ARHGAP29: variants seen among roughly 807,000 people sequenced by gnomAD.
The protein encoded by ARHGAP29 is Rho GTPase activating protein 29, also known as rho GTPase-activating protein 29.
A neutral mutation model predicts 122.6 loss-of-function variants in ARHGAP29; 43 were observed. That is an observed-to-expected ratio of 0.35 (90% CI 0.27 to 0.45). ARHGAP29 has a LOEUF of 0.45. Ranked by LOEUF, ARHGAP29 falls within the 20% of genes least tolerant of loss-of-function variation. The probability of loss-of-function intolerance (pLI) is 1.00; values close to 1 mark genes in which losing one functional copy is unlikely to be tolerated. For synonymous variants in ARHGAP29, 506 were observed against 497.1 expected, an observed-to-expected ratio of 1.02 and a Z score of -0.24; for missense variants, 1,303 against 1,477.2, an observed-to-expected ratio of 0.88 and a Z score of 1.93.
intron 12 of ARHGAP29, chr1:94,194,772 C>A (rs1650344486): frequency 6.6e-6 from 1 of 152,120 alleles, no homozygotes; most frequent in African/African-American, 2.4e-5. Context: ...CAGATAAATA[C>A]CAAAGATTCA....
chr1:94,187,824 C>T (rs1208173907), intron 15 of ARHGAP29, among the ~76,000 whole-genome samples: 1 of 152,122 alleles, frequency 6.6e-6, no homozygotes. Context: ...CAATATTAGG[C>T]TCACATTTCC....
chr1:94,273,012 G>C (rs1373362052), intron 1 of ARHGAP29, among the ~76,000 whole-genome samples: 1 of 152,130 alleles, frequency 6.6e-6, no homozygotes, highest in Non-Finnish European at 1.5e-5. Flanking sequence ...GTAACTTTTG[G>C]AGAATAGATT....
intron 16 of ARHGAP29, among the ~76,000 whole-genome samples, chr1:94,185,819 T>C (rs758014758): frequency 2.6e-5 from 4 of 152,142 alleles, no homozygotes; most frequent in Admixed American, 6.5e-5. Flanking sequence ...TAGGTGGCAT[T>C]AGAAAAAGCC....
At chr1:94,202,212 G>C (rs2101504729) in intron 11 of ARHGAP29, 2 of 500,440 alleles carry the variant, frequency 4.0e-6, no homozygotes, top group African/African-American at 3.9e-5. Context: ...GCCTGAATTA[G>C]TACACATACA....
At chr1:94,205,319 A>AGGCCGGGCGCG in intron 6 of ARHGAP29, 121 bp from the exon 7 acceptor site, 1 of 810,454 alleles carries the variant, frequency 1.2e-6, no homozygotes, top group East Asian at 3.1e-5. Flanking sequence ...AAAAAATACA[A>AGGCCGGGCGCG]GTGACAAATT....
chr1:94,227,739 A>G (rs1033702351), intron 2 of ARHGAP29, among the ~76,000 whole-genome samples: 3 of 151,790 alleles, frequency 2.0e-5, no homozygotes, highest in African/African-American at 7.2e-5. Context: ...AGCACTTATG[A>G]ATCTGTTATT....
chr1:94,203,014 A>G lies in ARHGAP29; in HGVS notation c.874-16T>C. On this transcript the variant is annotated splice_polypyrimidine_tract_variant and intron_variant, in intron 9 of 22. Transcript: ENST00000260526. ...CAAGTAGAGGCTGTGAAAGGTATTT[A>G]AAATGGAAAAAGAGAAAAGCAATTT... is the stretch of plus-strand genomic sequence containing the variant. 1 of 1,602,180 alleles carries G rather than the reference A, an allele frequency of 6.2e-7. No homozygotes were observed. The highest frequency in any genetic ancestry group is 8.5e-7 in the Non-Finnish European group (1 of 1,176,622).
chr1:94,212,436 G>T (rs774526401), intron 3 of ARHGAP29, among the ~76,000 whole-genome samples: 1 of 151,980 alleles, frequency 6.6e-6, no homozygotes, highest in African/African-American at 2.4e-5. Flanking sequence ...CAATAAAGCT[G>T]TTTATAAAAA....
chr1:94,233,242 C>A (rs1299744579), intron 1 of ARHGAP29, among the ~76,000 whole-genome samples: 2 of 152,206 alleles, frequency 1.3e-5, no homozygotes, highest in African/African-American at 4.8e-5. Context: ...CATGAGCCAC[C>A]ATGCCTGGCC....
chr1:94,184,594 T>G (rs1202607933), intron 18 of ARHGAP29, among the ~76,000 whole-genome samples: 2 of 151,762 alleles, frequency 1.3e-5, no homozygotes, highest in African/African-American at 2.4e-5. Context: ...AAAAAATTTT[T>G]TTTTTTTTAA....
chr1:94,185,463 G>A lies in ARHGAP29; in HGVS notation c.1799C>T (p.Thr600Ile), dbSNP rs780827479. The change falls in exon 17 of 23, where the codon ACA becomes ATA. Residue 600 changes from threonine to isoleucine, a missense_variant. This residue lies in a region of ARHGAP29 where 91 missense variants were observed against 177.8 expected (regional missense o/e 0.51). Coordinates refer to ENST00000260526, the MANE Select transcript of ARHGAP29 (RefSeq NM_004815.4). ...PSETGPNSLG[T>I]FKKTLMSKAA... ...CTTTGACATCAATGTTTTCTTAAATGTTCCAAGGGAATTGGGTCCTTGCAA... is the reference window on the plus strand; with the variant it reads ...CTTTGACATCAATGTTTTCTTAAATATTCCAAGGGAATTGGGTCCTTGCAA... 5.0e-6 allele frequency: 8 copies of A among 1,607,442 alleles called. No homozygotes were observed. In the South Asian group the frequency reaches 9.0e-5, roughly 18 times the overall value.
rs138436297 is a variant in ARHGAP29 at position 94,254,732 on chromosome 1, A to G, written c.-33+20280T>C. 1.3e-3 allele frequency among the ~76,000 whole-genome samples: 191 copies of G among 152,320 alleles called. 1 individual carries two copies. The highest frequency in any genetic ancestry group is 2.4e-3 in the Non-Finnish European group (164 of 68,020). On this transcript the variant is annotated intron_variant and NMD_transcript_variant, in intron 1 of 25. Transcript: ENST00000552844. ...TTGGAGTTGCTTTGTGAGTCAGAAAATAGAAGCATAGGATGTGGGTCAAGG... is the reference window on the plus strand; with the variant it reads ...TTGGAGTTGCTTTGTGAGTCAGAAAGTAGAAGCATAGGATGTGGGTCAAGG...
At chr1:94,240,263 G>A (rs1421941741), upstream of ARHGAP29, among the ~76,000 whole-genome samples, 1 of 152,048 alleles carries the variant, frequency 6.6e-6, no homozygotes, top group Non-Finnish European at 1.5e-5. Flanking sequence ...GTTGTCTAAG[G>A]GAAATTTTGA....
At chr1:94,204,071 T>G in intron 7 of ARHGAP29, 77 bp from the exon 8 acceptor site, 1 of 1,122,094 alleles carries the variant, frequency 8.9e-7, no homozygotes, top group Non-Finnish European at 1.3e-6. Flanking sequence ...TTACTTGTAG[T>G]AATTCCACAA....
chr1:94,295,339 T>G, the ARHGAP29 span, among the ~76,000 whole-genome samples: 1 of 152,122 alleles, frequency 6.6e-6, no homozygotes, highest in Admixed American at 6.5e-5. Flanking sequence ...AGGGCTTTGT[T>G]TTTAGGCTGC....
chr1:94,185,308 TA>T, intron 17 of ARHGAP29, 33 bp downstream of exon 17: 2 of 1,534,472 alleles, frequency 1.3e-6, no homozygotes, highest in Non-Finnish European at 8.7e-7. Flanking sequence ...ACAAAAAGCA[TA>T]AAAGGGTCAA....
Position 94,203,923 on chromosome 1 carries a change from C to T in ARHGAP29, c.762+7G>A. On this transcript the variant is annotated splice_region_variant and intron_variant, in intron 8 of 22. Transcript: ENST00000260526. The stretch of plus-strand genomic sequence containing the variant: ...TATAGAACCCCCGAAGTTCACAGAA[C>T]ACTTACCTGAATTCCAATGTTAGTT... 1.2e-6 allele frequency: 2 copies of T among 1,613,296 alleles called. No individual in the cohort carries two copies. The highest frequency in any genetic ancestry group is 2.2e-5 in the East Asian group (1 of 44,848).
intron 12 of ARHGAP29, among the ~76,000 whole-genome samples, chr1:94,201,216 T>G (rs1189166521): frequency 6.6e-6 from 1 of 152,150 alleles, no homozygotes; most frequent in Non-Finnish European, 1.5e-5. Context: ...ACTGGTGGCT[T>G]AGAGGCAATT....
intron 1 of ARHGAP29, among the ~76,000 whole-genome samples, chr1:94,232,108 C>T (rs1298475172): frequency 6.6e-6 from 1 of 152,040 alleles, no homozygotes; most frequent in Non-Finnish European, 1.5e-5. Flanking sequence ...CATGACATCA[C>T]CTTCAAAAAT....
Sources: allele counts gnomAD v4.1 joint callset (sites outside exome capture counted in the v4.1 genomes callset), GRCh38; gene constraint gnomAD v4.1.1; regional missense constraint gnomAD v4.1.1; transcripts MANE v1.5; gene names NCBI Gene and HGNC (gene_info 2026-07-23, HGNC 2026-07-21).